The following CNTN5 variants were observed in gnomAD, a reference collection of about 807,000 sequenced individuals.
The protein encoded by CNTN5 is contactin-5.
Under a neutral mutation model 129.1 loss-of-function variants are expected in CNTN5, and 77 were observed. That is an observed-to-expected ratio of 0.60 (90% CI 0.50 to 0.72). The LOEUF (loss-of-function observed/expected upper bound fraction) is 0.72, where lower values mean the gene tolerates loss of function less well. Among genes scored for constraint, CNTN5 ranks in the 30% least tolerant of loss-of-function variants. CNTN5 has a pLI of 0.00. For synonymous variants in CNTN5, 509 were observed against 465.6 expected, an observed-to-expected ratio of 1.09 and a Z score of -1.20; for missense variants, 1,478 against 1,328.8, an observed-to-expected ratio of 1.11 and a Z score of -1.75.
At chr11:100,228,198 A>G (rs1949417582) in intron 16 of CNTN5, among the ~76,000 whole-genome samples, 1 of 152,198 alleles carries the variant, frequency 6.6e-6, no homozygotes, top group Admixed American at 6.5e-5. Flanking sequence ...AGGTCAAGAA[A>G]CTTTGGGAAT....
intron 4 of CNTN5, among the ~76,000 whole-genome samples, chr11:99,826,027 A>G (rs1946945327): frequency 6.6e-6 from 1 of 151,958 alleles, no homozygotes; most frequent in Non-Finnish European, 1.5e-5. Flanking sequence ...ATGCTTACTT[A>G]GTTTAAGGAA....
At chr11:100,249,674 C>T (rs1949922329) in intron 16 of CNTN5, among the ~76,000 whole-genome samples, 1 of 152,130 alleles carries the variant, frequency 6.6e-6, no homozygotes, top group South Asian at 2.1e-4. Context: ...GCTTATTAAT[C>T]TATCTTCAAT....
intron 2 of CNTN5, among the ~76,000 whole-genome samples, chr11:99,489,564 A>G (rs1241307981): frequency 6.6e-6 from 1 of 152,208 alleles, no homozygotes; most frequent in Non-Finnish European, 1.5e-5. Context: ...CCTGTGATTA[A>G]TGAAGGCTTA....
At chr11:99,164,546 C>T (rs944403660) in intron 1 of CNTN5, among the ~76,000 whole-genome samples, 1 of 152,086 alleles carries the variant, frequency 6.6e-6, no homozygotes, top group Admixed American at 6.6e-5. Context: ...TTACGTAGTA[C>T]AATTCTGCTC....
intron 10 of CNTN5, among the ~76,000 whole-genome samples, chr11:100,067,085 C>T (rs1054811563): frequency 6.6e-6 from 1 of 151,730 alleles, no homozygotes; most frequent in East Asian, 1.9e-4. Context: ...AAATATCTTG[C>T]AATGTAAACA....
At position 99,489,645 on chromosome 11, in the gene CNTN5, A is replaced by C. The variant is rs192769932; in HGVS notation, c.-70-66500A>C. 4.3e-4 allele frequency among the ~76,000 whole-genome samples: 66 copies of C among 152,346 alleles called. No homozygotes were observed. The East Asian group carries it at 6.6e-3, about 15-fold the overall frequency. ...AGAGTCTATGTATTATTTTAACATA[A>C]CAGGGATATGACTAAGGTAATATTT... On this transcript the variant is annotated intron_variant, in intron 2 of 24. Coordinates refer to ENST00000524871, the MANE Select transcript of CNTN5 (RefSeq NM_014361.4).
chr11:99,108,823 C>T (rs902286136), intron 1 of CNTN5, among the ~76,000 whole-genome samples: 3 of 151,900 alleles, frequency 2.0e-5, no homozygotes, highest in Non-Finnish European at 4.4e-5. Flanking sequence ...AGAAAATTCA[C>T]TAATTAAATA....
intron 2 of CNTN5, among the ~76,000 whole-genome samples, chr11:99,384,175 G>C (rs1186438683): frequency 2.6e-5 from 4 of 152,096 alleles, no homozygotes; most frequent in African/African-American, 9.7e-5. Context: ...TAAAGTGCTA[G>C]ATTTATTAAC....
intron 1 of CNTN5, among the ~76,000 whole-genome samples, chr11:99,034,756 C>T (rs1257454959): frequency 2.0e-5 from 3 of 151,204 alleles, no homozygotes; most frequent in African/African-American, 4.9e-5. Flanking sequence ...GGGTTTTTTG[C>T]ATCTCTATTT....
intron 4 of CNTN5, among the ~76,000 whole-genome samples, chr11:99,833,947 A>G (rs953176440): frequency 5.9e-5 from 9 of 152,108 alleles, no homozygotes; most frequent in African/African-American, 9.7e-5. Flanking sequence ...GGTAGTAGAG[A>G]CCAGGAATTC....
At chr11:100,006,273 A>T (rs974025454) in intron 9 of CNTN5, among the ~76,000 whole-genome samples, 1 of 152,120 alleles carries the variant, frequency 6.6e-6, no homozygotes, top group Admixed American at 6.6e-5. Context: ...GTGGCTGCTA[A>T]AGGTTGGGGT....
intron 2 of CNTN5, among the ~76,000 whole-genome samples, chr11:99,373,479 C>A (rs938680761): frequency 3.3e-5 from 5 of 151,600 alleles, no homozygotes; most frequent in Admixed American, 6.6e-5. Context: ...TTTGGGAGGC[C>A]GAGGTGGGTG....
chr11:99,765,603 TC>T (rs1402425891), intron 3 of CNTN5, among the ~76,000 whole-genome samples: 1 of 151,272 alleles, frequency 6.6e-6, no homozygotes, highest in East Asian at 1.9e-4. Context: ...TTTATTGGGG[TC>T]ATTGAGACAT....
At chr11:99,499,502 G>T (rs868261291) in intron 2 of CNTN5, among the ~76,000 whole-genome samples, 1 of 152,042 alleles carries the variant, frequency 6.6e-6, no homozygotes. Context: ...CTGGTGCCTT[G>T]GTCTTGTGCG....
intron 1 of CNTN5, among the ~76,000 whole-genome samples, chr11:99,175,561 T>C (rs1341201322): frequency 6.6e-6 from 1 of 152,106 alleles, no homozygotes; most frequent in Non-Finnish European, 1.5e-5. Flanking sequence ...AGAGACAAGA[T>C]ATGATGTGGG....
chr11:99,217,983 C>T (rs1276918712), intron 1 of CNTN5, among the ~76,000 whole-genome samples: 1 of 152,002 alleles, frequency 6.6e-6, no homozygotes, highest in East Asian at 1.9e-4. Context: ...TTTGATACTC[C>T]CTATTTCTTT....
intron 9 of CNTN5, among the ~76,000 whole-genome samples, chr11:100,058,156 G>T (rs977671061): frequency 1.3e-5 from 2 of 152,058 alleles, no homozygotes; most frequent in South Asian, 2.1e-4. Context: ...AAAATAGTTG[G>T]TTTTCTAGTG....
intron 8 of CNTN5, among the ~76,000 whole-genome samples, chr11:99,999,215 A>G (rs530223186): frequency 1.3e-5 from 2 of 152,342 alleles, no homozygotes; most frequent in East Asian, 3.9e-4. Flanking sequence ...CAGAGTGAAC[A>G]GGCAACCAAT....
intron 13 of CNTN5, among the ~76,000 whole-genome samples, chr11:100,081,756 T>C (rs2137933197): frequency 6.6e-6 from 1 of 152,266 alleles, no homozygotes; most frequent in African/African-American, 2.4e-5. Flanking sequence ...AGGAGTAAAT[T>C]TACCTCTAGA....
Sources: allele counts gnomAD v4.1 joint callset (sites outside exome capture counted in the v4.1 genomes callset), GRCh38; gene constraint gnomAD v4.1.1; transcripts MANE v1.5; gene names NCBI Gene and HGNC (gene_info 2026-07-23, HGNC 2026-07-21).